Variants in LY96 observed in about 807,000 individuals in gnomAD.
LY96 encodes myeloid differentiation protein-2.
LY96 carries 18 observed loss-of-function variants against 18.9 expected under a neutral mutation model. That is an observed-to-expected ratio of 0.95 (90% CI 0.66 to 1.41). The LOEUF (loss-of-function observed/expected upper bound fraction) is 1.41, where lower values mean the gene tolerates loss of function less well. LY96 is among the 40% of genes most tolerant of loss of function. The pLI, the probability that LY96 is intolerant of heterozygous loss-of-function variation, is 0.00. For synonymous variants in LY96, 66 were observed against 62.6 expected (o/e 1.06, Z -0.26); for missense variants, 175 against 182.4 (o/e 0.96, Z 0.23).
chr8:74,080,845 C>G, the LY96 span, among the ~76,000 whole-genome samples: 1 of 152,204 alleles, frequency 6.6e-6, no homozygotes, highest in Admixed American at 6.5e-5. Context: ...TCCTTTAAGG[C>G]TCTTTAGTTC....
At chr8:74,085,961 C>T in the LY96 span, among the ~76,000 whole-genome samples, 1 of 152,132 alleles carries the variant, frequency 6.6e-6, no homozygotes, top group Non-Finnish European at 1.5e-5. Context: ...TAACTAGAGT[C>T]ACCCTGCGGT....
chr8:74,076,484 C>T, the LY96 span, among the ~76,000 whole-genome samples: 68 of 151,996 alleles, frequency 4.5e-4, no homozygotes, highest in Non-Finnish European at 6.6e-4. Flanking sequence ...CCATCATACC[C>T]GGCTAATATT....
downstream of LY96, among the ~76,000 whole-genome samples, chr8:74,030,856 T>C (rs1816958521): frequency 6.6e-6 from 1 of 152,212 alleles, no homozygotes; most frequent in Non-Finnish European, 1.5e-5. Flanking sequence ...CCTTCAGCCA[T>C]TTAAAAATGA....
chr8:74,038,541 T>G, the LY96 span, among the ~76,000 whole-genome samples: 12 of 152,188 alleles, frequency 7.9e-5, no homozygotes, highest in Non-Finnish European at 1.5e-4. Context: ...TTGCTCTTGT[T>G]TTTTAATTTT....
the LY96 span, among the ~76,000 whole-genome samples, chr8:74,091,058 G>GATT: frequency 6.6e-6 from 1 of 151,952 alleles, no homozygotes; most frequent in Non-Finnish European, 1.5e-5. Flanking sequence ...GGCATCATTA[G>GATT]ATTTATTTCC....
the LY96 span, among the ~76,000 whole-genome samples, chr8:74,074,634 T>TTCC: frequency 5.3e-5 from 8 of 152,304 alleles, no homozygotes; most frequent in Admixed American, 1.3e-4. Flanking sequence ...AGCTATAAAC[T>TTCC]TCCCTCTTAT....
intron 3 of LY96, among the ~76,000 whole-genome samples, chr8:74,022,479 G>T (rs149605245): frequency 1.3e-5 from 2 of 151,488 alleles, no homozygotes; most frequent in East Asian, 3.9e-4. Context: ...AAAAAAAAAG[G>T]GTTCTATCCA....
At chr8:74,096,589 T>G in the LY96 span, among the ~76,000 whole-genome samples, 2 of 152,188 alleles carry the variant, frequency 1.3e-5, no homozygotes, top group Non-Finnish European at 2.9e-5. Flanking sequence ...GCTCTATTAT[T>G]TTTCTATAAC....
At position 73,994,079 on chromosome 8, in the gene LY96, G is replaced by A. The variant is rs936338371; in HGVS notation, c.112+2525G>A. ...AGCTCACTGCAACCTCTGCCTCCTG[G>A]GTTCAAGCGATTCTTTTGCCTCAGC... On this transcript the variant is annotated intron_variant, in intron 1 of 4. Transcript: ENST00000284818. Among the ~76,000 whole-genome samples the A allele has an allele frequency of 4.6e-5, 7 of 152,088 alleles. No individual in the cohort carries two copies. The East Asian group carries it at 1.4e-3, about 29-fold the overall frequency.
intron 1 of LY96, among the ~76,000 whole-genome samples, chr8:74,002,062 CCTTCCTTCCTTCCTTTCTTTCTTT>C (rs1386406780): frequency 3.8e-4 from 11 of 29,310 alleles, no homozygotes; most frequent in African/African-American, 1.9e-3. Context: ...TTCCTTCCTT[CCTTCCTTCCTTCCTTTCTTTCTTT>C]CTTTCTTTCT....
At chr8:74,062,402 C>G in the LY96 span, among the ~76,000 whole-genome samples, 1 of 151,760 alleles carries the variant, frequency 6.6e-6, no homozygotes, top group South Asian at 2.1e-4. Context: ...CCCCGCACCC[C>G]AACCCCGGAC....
chr8:74,082,010 T>G, the LY96 span, among the ~76,000 whole-genome samples: 1 of 152,238 alleles, frequency 6.6e-6, no homozygotes. Flanking sequence ...GCTTTACTCT[T>G]CCCTGGCCAT....
At chr8:74,007,494 T>C (rs1208255582) in intron 2 of LY96, among the ~76,000 whole-genome samples, 1 of 152,220 alleles carries the variant, frequency 6.6e-6, no homozygotes, top group Non-Finnish European at 1.5e-5. Context: ...GCCACATTCA[T>C]GGAAATCAAC....
chr8:73,996,384 T>C (rs1394811461), intron 1 of LY96, among the ~76,000 whole-genome samples: 371 of 34,670 alleles, frequency 0.011, 6 homozygotes, highest in South Asian at 0.024. Context: ...TTTCTTTCTT[T>C]CTTTCTTTCT....
chr8:74,070,307 G>A, the LY96 span, among the ~76,000 whole-genome samples: 1 of 151,894 alleles, frequency 6.6e-6, no homozygotes, highest in Non-Finnish European at 1.5e-5. Context: ...TAGCCAGGAC[G>A]GTCTCAATCT....
chr8:74,088,605 T>G, the LY96 span, among the ~76,000 whole-genome samples: 1 of 152,118 alleles, frequency 6.6e-6, no homozygotes, highest in Non-Finnish European at 1.5e-5. Context: ...ATTTATTTAT[T>G]GAGAGAGTCT....
downstream of LY96, among the ~76,000 whole-genome samples, chr8:74,030,926 G>T (rs533126029): frequency 7.9e-5 from 12 of 152,312 alleles, no homozygotes; most frequent in African/African-American, 2.6e-4. Context: ...AGAACATGGA[G>T]AATCCCCGAG....
the LY96 span, among the ~76,000 whole-genome samples, chr8:74,095,017 T>C: frequency 2.1e-3 from 327 of 152,314 alleles, 7 homozygotes; most frequent in South Asian, 0.042. Flanking sequence ...CTCTGTGGGC[T>C]GAATACAGAG....
the LY96 span, among the ~76,000 whole-genome samples, chr8:74,059,757 A>C: frequency 6.6e-6 from 1 of 152,260 alleles, no homozygotes; most frequent in Non-Finnish European, 1.5e-5. Context: ...GAACAGCTTT[A>C]TGATCTCAGG....
Sources: allele counts gnomAD v4.1 joint callset (sites outside exome capture counted in the v4.1 genomes callset), GRCh38; gene constraint gnomAD v4.1.1; transcripts MANE v1.5; gene names NCBI Gene and HGNC (gene_info 2026-07-23, HGNC 2026-07-21).